TBC1D32: variants seen among roughly 807,000 people sequenced by gnomAD.
TBC1D32 encodes protein broad-minded.
In TBC1D32, 151 loss-of-function variants were observed where a neutral mutation model predicts 170.3. That is an observed-to-expected ratio of 0.89 (90% CI 0.78 to 1.01). The LOEUF is 1.01. TBC1D32 is among the 50% of genes least tolerant of loss of function. The pLI is 0.00. For synonymous variants in TBC1D32, 498 were observed against 488.0 expected, an observed-to-expected ratio of 1.02 and a Z score of -0.27; for missense variants, 1,464 against 1,457.1, an observed-to-expected ratio of 1.00 and a Z score of -0.08.
intron 22 of TBC1D32, among the ~76,000 whole-genome samples, chr6:121,202,997 G>C (rs756419633): frequency 2.6e-5 from 4 of 151,220 alleles, no homozygotes; most frequent in Non-Finnish European, 4.4e-5. Flanking sequence ...AATGGAACAA[G>C]CAATGAAAAA....
chr6:121,287,547 A>G (rs1488817447), intron 12 of TBC1D32, among the ~76,000 whole-genome samples: 1 of 152,160 alleles, frequency 6.6e-6, no homozygotes, highest in Non-Finnish European at 1.5e-5. Flanking sequence ...CCCACACAAT[A>G]ATAATGGGAG....
At chr6:121,184,516 T>G (rs1788925586) in intron 22 of TBC1D32, among the ~76,000 whole-genome samples, 1 of 151,672 alleles carries the variant, frequency 6.6e-6, no homozygotes, top group South Asian at 2.1e-4. Flanking sequence ...AATATTTGGG[T>G]GTACTGCTCA....
chr6:121,114,640 G>C (rs1304448222), intron 27 of TBC1D32, among the ~76,000 whole-genome samples: 1 of 152,112 alleles, frequency 6.6e-6, no homozygotes, highest in Non-Finnish European at 1.5e-5. Flanking sequence ...GACCCTATAA[G>C]TAAAATGGGA....
intron 22 of TBC1D32, among the ~76,000 whole-genome samples, chr6:121,200,828 T>C (rs1488043881): frequency 1.3e-5 from 2 of 151,278 alleles, no homozygotes; most frequent in African/African-American, 2.5e-5. Flanking sequence ...AGTCAAGACA[T>C]AAAAAACAAG....
intron 2 of TBC1D32, among the ~76,000 whole-genome samples, chr6:121,318,230 C>T (rs895595286): frequency 3.9e-5 from 6 of 152,072 alleles, no homozygotes; most frequent in African/African-American, 1.4e-4. Context: ...GGGAAATCCA[C>T]TCTCAGGATG....
intron 22 of TBC1D32, among the ~76,000 whole-genome samples, chr6:121,175,023 C>CAAAAAAAAAAAAAAA (rs34244749): frequency 7.6e-6 from 1 of 130,894 alleles, no homozygotes. Context: ...CAGACCTTGT[C>CAAAAAAAAAAAAAAA]AAAAAAAAAA....
At chr6:121,275,651 C>G (rs1206907530) in intron 15 of TBC1D32, among the ~76,000 whole-genome samples, 1 of 152,138 alleles carries the variant, frequency 6.6e-6, no homozygotes, top group Admixed American at 6.5e-5. Context: ...TTCCCATAGA[C>G]TGCTGGCAAG....
intron 15 of TBC1D32, among the ~76,000 whole-genome samples, chr6:121,259,126 C>T (rs1799433838): frequency 6.6e-6 from 1 of 151,916 alleles, no homozygotes; most frequent in African/African-American, 2.4e-5. Context: ...GGCGAAACTC[C>T]ATCTCTACTA....
intron 22 of TBC1D32, among the ~76,000 whole-genome samples, chr6:121,169,066 T>C (rs200631109): frequency 4.0e-5 from 1 of 25,262 alleles, no homozygotes; most frequent in African/African-American, 4.6e-5. Context: ...AGAAAAAAAA[T>C]ATTTTAAAAT....
Position 121,255,406 on chromosome 6 carries a change from C to G in TBC1D32, c.1940G>C (p.Ser647Thr). ...ESIAKAWKKT[S>T]LLSERIPTPV... ...AGTAGGAATTCTTTCTGATAGCAAA[C>G]TTGTCTAAAAAATAGTAGAATAATT... Residue 647 changes from serine (S) to threonine (T), a missense_variant, in exon 17 of 32, where the codon AGT becomes ACT. Coordinates refer to ENST00000398212, the MANE Select transcript of TBC1D32 (RefSeq NM_152730.6). 6.7e-7 allele frequency: 1 copy of G among 1,495,370 alleles called. No homozygotes were observed. The highest frequency in any genetic ancestry group is 9.0e-7 in the Non-Finnish European group (1 of 1,114,320). The allele number at this position is 1,495,370 out of a possible 1,614,324, so 92.6% of individuals were successfully genotyped here.
chr6:121,290,061 G>A (rs1804581266), intron 12 of TBC1D32, among the ~76,000 whole-genome samples: 1 of 152,076 alleles, frequency 6.6e-6, no homozygotes, highest in East Asian at 1.9e-4. Flanking sequence ...AGAAAACCTA[G>A]GCAATACCAT....
chr6:121,121,900 A>C (rs1022440380), intron 26 of TBC1D32, among the ~76,000 whole-genome samples: 4 of 152,038 alleles, frequency 2.6e-5, no homozygotes, highest in Admixed American at 2.0e-4. Context: ...TTTATATACC[A>C]AGCTGATGGC....
chr6:121,242,451 T>C (rs1331818963), intron 17 of TBC1D32, 112 bp from the exon 18 acceptor site: 21 of 985,296 alleles, frequency 2.1e-5, no homozygotes, highest in Admixed American at 1.1e-4. Flanking sequence ...ACACAGTATA[T>C]ATTGGTTGCA....
chr6:121,139,243 A>G (rs1782505970), intron 24 of TBC1D32, among the ~76,000 whole-genome samples: 1 of 152,236 alleles, frequency 6.6e-6, no homozygotes, highest in African/African-American at 2.4e-5. Flanking sequence ...TACATAATTC[A>G]TCACACTTGC....
rs1794433491 is a variant in TBC1D32, at chr6:121,220,869, G to A, written c.2481+2367C>T. 2.0e-5 allele frequency among the ~76,000 whole-genome samples: 3 copies of A among 152,004 alleles called. No individual in the cohort carries two copies. In the South Asian group the frequency reaches 6.2e-4, roughly 32 times the overall value. ...TTGGCCAGGCTGCTCTCGAACTCCA[G>A]ACCTCAGGTGATCTCCCCACCTCGG... On this transcript the variant is annotated intron_variant, in intron 21 of 31. Coordinates refer to ENST00000398212, the MANE Select transcript of TBC1D32 (RefSeq NM_152730.6).
chr6:121,175,155 A>G (rs1326360728), intron 22 of TBC1D32, among the ~76,000 whole-genome samples: 1 of 152,212 alleles, frequency 6.6e-6, no homozygotes, highest in East Asian at 1.9e-4. Context: ...TCATCAACCC[A>G]GATATATAAG....
chr6:121,114,865 T>C (rs1181684445), intron 27 of TBC1D32, among the ~76,000 whole-genome samples: 3 of 152,174 alleles, frequency 2.0e-5, no homozygotes, highest in Non-Finnish European at 4.4e-5. Context: ...TTCTAGAAAA[T>C]AGTATGACTG....
intron 1 of TBC1D32, among the ~76,000 whole-genome samples, chr6:121,333,093 T>C (rs1811413931): frequency 6.6e-6 from 1 of 151,722 alleles, no homozygotes; most frequent in Non-Finnish European, 1.5e-5. Flanking sequence ...ACATATATGA[T>C]ATTGACAGGA....
Position 121,144,496 on chromosome 6 carries a change from T to C in TBC1D32, c.2774-12744A>G, listed in dbSNP as rs1483509961. 2.0e-5 allele frequency among the ~76,000 whole-genome samples: 3 copies of C among 152,042 alleles called. 1 individual carries two copies. In the South Asian group the frequency reaches 6.2e-4, roughly 31 times the overall value. ...TGTGGGGTATAAAGACAGAGACGAG[T>C]GCATGAATGCCGTTAGGTTTATTAT... On this transcript the variant is annotated intron_variant, in intron 24 of 31. Coordinates refer to ENST00000398212, the MANE Select transcript of TBC1D32 (RefSeq NM_152730.6).
Sources: gnomAD v4.1 joint callset for allele counts (sites outside exome capture counted in the v4.1 genomes callset) on GRCh38, gnomAD v4.1.1 for gene constraint, MANE v1.5 for transcripts, NCBI Gene and HGNC (gene_info 2026-07-23, HGNC 2026-07-21) for gene names.